Variants in MTUS2 observed in about 807,000 individuals in gnomAD.
MTUS2 encodes the protein microtubule-associated tumor suppressor candidate 2.
MTUS2 carries 40 observed loss-of-function variants against 114.1 expected under a neutral mutation model. The observed-to-expected ratio is 0.35, with a 90% CI of 0.27 to 0.46. MTUS2 has a LOEUF of 0.46. Ranked by LOEUF, MTUS2 falls within the 20% of genes least tolerant of loss-of-function variation. The pLI, the probability that MTUS2 is intolerant of heterozygous loss-of-function variation, is 1.00. For synonymous variants in MTUS2, 688 were observed against 672.0 expected (o/e 1.02, Z -0.37); for missense variants, 1,679 against 1,705.4 (o/e 0.98, Z 0.27).
In MTUS2 at chr13:29,024,737, T is replaced by C. The variant is rs371500336; in HGVS notation, c.39T>C (p.Thr13=). 2.7e-5 allele frequency: 43 copies of C among 1,613,936 alleles called. No individual in the cohort carries two copies. In the African/African-American group the frequency reaches 5.5e-4, roughly 21 times the overall value. Residue 13 remains threonine (T), a synonymous_variant, in exon 3 of 16, where the codon ACT becomes ACC. Transcript: ENST00000612955. ...VPVAPKKSCY[T]QLRDNRNAAR... ...TGGCTCCTAAGAAATCATGTTACAC[T>C]CAGTTGCGGGACAACAGAAATGCAG... is the stretch of plus-strand genomic sequence containing the variant.
intron 2 of MTUS2, among the ~76,000 whole-genome samples, chr13:28,911,955 C>G (rs1880465580): frequency 6.9e-6 from 1 of 144,794 alleles, no homozygotes; most frequent in South Asian, 2.1e-4. Context: ...TGTAGGTTGT[C>G]TCTTCACTCT....
At chr13:29,329,620 T>C (rs1900680595) in intron 7 of MTUS2, among the ~76,000 whole-genome samples, 1 of 150,020 alleles carries the variant, frequency 6.7e-6, no homozygotes, top group South Asian at 2.1e-4. Context: ...GTGTCTTTTT[T>C]TTTTTTTTTT....
At chr13:29,007,291 CTCTG>C (rs1210403618) in intron 2 of MTUS2, among the ~76,000 whole-genome samples, 3 of 151,876 alleles carry the variant, frequency 2.0e-5, no homozygotes, top group Non-Finnish European at 4.4e-5. Flanking sequence ...AATTGCAGTC[CTCTG>C]TCTGCCCACC....
intron 5 of MTUS2, among the ~76,000 whole-genome samples, chr13:29,272,564 T>G (rs1257309911): frequency 2.0e-5 from 3 of 152,204 alleles, no homozygotes; most frequent in Non-Finnish European, 4.4e-5. Flanking sequence ...GTGCACTGAA[T>G]ATGGATCAGA....
intron 2 of MTUS2, among the ~76,000 whole-genome samples, chr13:28,933,204 C>T (rs1402819012): frequency 6.6e-6 from 1 of 151,822 alleles, no homozygotes; most frequent in Non-Finnish European, 1.5e-5. Flanking sequence ...TCAGCATTGG[C>T]CCACATGATT....
chr13:29,304,886 AAG>A (rs1271274642), intron 6 of MTUS2, among the ~76,000 whole-genome samples: 7 of 152,222 alleles, frequency 4.6e-5, no homozygotes, highest in African/African-American at 1.7e-4. Flanking sequence ...ACATAATCAG[AAG>A]TAAAACACTT....
chr13:28,914,514 T>C (rs1880636485), intron 2 of MTUS2, among the ~76,000 whole-genome samples: 1 of 152,092 alleles, frequency 6.6e-6, no homozygotes, highest in African/African-American at 2.4e-5. Flanking sequence ...CTTCTGATTG[T>C]GTGATCAATT....
intron 5 of MTUS2, among the ~76,000 whole-genome samples, chr13:29,167,327 A>G: frequency 6.6e-6 from 1 of 151,054 alleles, no homozygotes; most frequent in Non-Finnish European, 1.5e-5. Context: ...GTGAGCCGAG[A>G]TCTCACCACT....
intron 2 of MTUS2, among the ~76,000 whole-genome samples, chr13:28,916,204 G>A (rs1880736670): frequency 6.6e-6 from 1 of 151,828 alleles, no homozygotes; most frequent in African/African-American, 2.4e-5. Context: ...TGATAGCTTG[G>A]TAGTATAATT....
chr13:29,197,973 T>C (rs528406303), intron 5 of MTUS2, among the ~76,000 whole-genome samples: 3 of 152,330 alleles, frequency 2.0e-5, no homozygotes, highest in Middle Eastern at 3.4e-3. Context: ...ATAAATAGAT[T>C]GCAAAAACAT....
chr13:29,282,726 G>T lies in MTUS2; in HGVS notation c.2806+861G>T, dbSNP rs117392209. On this transcript the variant is annotated intron_variant, in intron 6 of 15. Coordinates refer to ENST00000612955, the MANE Select transcript of MTUS2 (RefSeq NM_001033602.4). ...ATTCCTCCATATTTTTTCTATGCTT[G>T]TATCAATGTATCATCATATCAATGT... Among the ~76,000 whole-genome samples the T allele has an allele frequency of 6.0e-4, 92 of 152,152 alleles. No homozygotes were observed. The East Asian group carries it at 0.016, about 27-fold the overall frequency.
Position 29,071,409 on chromosome 13 carries a change from A to ATTTTTT in MTUS2, c.2447-29335_2447-29330dup, listed in dbSNP as rs751020009. ...TTTAAAAGATCTCTATGTTGCTTGA[A>ATTTTTT]TTTTTTTTTTTTTTTTTTTTTTTTT... is the stretch of plus-strand genomic sequence containing the variant. On this transcript the variant is annotated intron_variant, in intron 4 of 15. Coordinates refer to ENST00000612955, the MANE Select transcript of MTUS2 (RefSeq NM_001033602.4). Among the ~76,000 whole-genome samples, 15 of 46,142 alleles carry ATTTTTT rather than the reference A, an allele frequency of 3.3e-4. 2 individuals are homozygous for ATTTTTT. The highest frequency in any genetic ancestry group is 9.0e-4 in the East Asian group (1 of 1,106). 30.3% of individuals were successfully genotyped at this position (46,142 alleles called of 152,430 possible).
chr13:29,179,911 TAGTAAC>T (rs755107704), intron 5 of MTUS2, among the ~76,000 whole-genome samples: 1 of 152,212 alleles, frequency 6.6e-6, no homozygotes, highest in Non-Finnish European at 1.5e-5. Flanking sequence ...CTTTAAGAAC[TAGTAAC>T]AGTTGTTGTG....
chr13:28,852,698 C>A (rs570454636), intron 2 of MTUS2, among the ~76,000 whole-genome samples: 9 of 151,988 alleles, frequency 5.9e-5, no homozygotes, highest in Non-Finnish European at 1.2e-4. Context: ...AACCCCGTTT[C>A]CACTAAAAAT....
rs910972654 is a variant in MTUS2, at chr13:29,498,308, A to G, written c.3679-110A>G. The G allele has an allele frequency of 2.7e-6, 4 of 1,485,420 alleles. No homozygotes were observed. The African/African-American group carries it at 4.2e-5, about 16-fold the overall frequency. 92.0% of individuals were successfully genotyped at this position (1,485,420 alleles called of 1,614,324 possible). A position where few individuals can be genotyped will look rare whatever the true frequency, so the allele number is the denominator to read the frequency against. The stretch of plus-strand genomic sequence containing the variant: ...CTCTCTCTTTGGTGTTGCAGTTGCC[A>G]TCAGGGCGCTTGTCCCAGGAGGATA... On this transcript the variant is annotated intron_variant, in intron 13 of 15. Transcript: ENST00000612955.
intron 8 of MTUS2, among the ~76,000 whole-genome samples, chr13:29,398,469 AAAAAAAAAAAAGAAAGAAAAAG>A (rs949309672): frequency 7.4e-6 from 1 of 134,244 alleles, no homozygotes; most frequent in African/African-American, 2.7e-5. Flanking sequence ...CTCAAAATTA[AAAAAAAAAAAAGAAAGAAAAAG>A]AAAAAAAAAA....
At chr13:29,499,294 C>G in intron 14 of MTUS2, among the ~76,000 whole-genome samples, 1 of 152,188 alleles carries the variant, frequency 6.6e-6, no homozygotes, top group African/African-American at 2.4e-5. Context: ...ACCCTCTACC[C>G]TGGGGCACAA....
intron 7 of MTUS2, among the ~76,000 whole-genome samples, chr13:29,358,613 C>G (rs1260911298): frequency 6.6e-6 from 1 of 152,170 alleles, no homozygotes; most frequent in African/African-American, 2.4e-5. Flanking sequence ...GCAGGGCTTC[C>G]CATCAGAGAG....
At chr13:29,432,695 T>C (rs1877097078) in intron 8 of MTUS2, among the ~76,000 whole-genome samples, 2 of 152,174 alleles carry the variant, frequency 1.3e-5, no homozygotes, top group Non-Finnish European at 1.5e-5. Context: ...ACTGTCCAAC[T>C]CCTCTTGTAA....
Sources: allele counts gnomAD v4.1 joint callset (sites outside exome capture counted in the v4.1 genomes callset), GRCh38; gene constraint gnomAD v4.1.1; transcripts MANE v1.5; gene names NCBI Gene and HGNC (gene_info 2026-07-23, HGNC 2026-07-21).